The following CRTC1 variants were observed in gnomAD, a reference collection of about 807,000 sequenced individuals.
The protein encoded by CRTC1 is CREB regulated transcription coactivator 1, also known as CREB-regulated transcription coactivator 1.
CRTC1 carries 18 observed loss-of-function variants against 66.1 expected under a neutral mutation model. The observed-to-expected ratio is 0.27, with a 90% CI of 0.19 to 0.40. The LOEUF (loss-of-function observed/expected upper bound fraction) is 0.40, where lower values mean the gene tolerates loss of function less well. CRTC1 is among the 10% of genes least tolerant of loss of function. The probability of loss-of-function intolerance (pLI) is 1.00; values close to 1 mark genes in which losing one functional copy is unlikely to be tolerated. For missense variants in CRTC1, 669 were observed against 887.9 expected (o/e 0.75, Z 3.13); for synonymous variants, 416 against 398.8 (o/e 1.04, Z -0.51).
chr19:18,761,986 G>A (rs757744552), intron 8 of CRTC1, among the ~76,000 whole-genome samples: 2 of 152,190 alleles, frequency 1.3e-5, no homozygotes, highest in Admixed American at 6.5e-5. Flanking sequence ...CAGCCGATTC[G>A]GAGGAGCCCT....
intron 9 of CRTC1, among the ~76,000 whole-genome samples, chr19:18,767,928 CACAG>C (rs2054772245): frequency 6.6e-6 from 1 of 152,224 alleles, no homozygotes; most frequent in South Asian, 2.1e-4. Flanking sequence ...TGAGTTTCCA[CACAG>C]ACAGTGAACG....
rs1277579245 is a variant in CRTC1 at position 18,749,904 on chromosome 19, C to T, written c.538+29C>T. 1.9e-6 allele frequency: 3 copies of T among 1,584,752 alleles called. No homozygotes were observed. In the African/African-American group the frequency reaches 4.0e-5, roughly 21 times the overall value. On this transcript the variant is annotated intron_variant, in intron 5 of 13. Coordinates refer to ENST00000321949, the MANE Select transcript of CRTC1 (RefSeq NM_015321.3). ...TGGACAGGGGACTCGGGTGTCTCTG[C>T]TGGGGTGAGGCAAGTCCAGCAGGTA...
Position 18,765,504 on chromosome 19 carries a change from G to A in CRTC1, c.987G>A (p.Leu329=), listed in dbSNP as rs2054710128. The change falls in exon 9 of 14, where the codon CTG becomes CTA. Residue 329 remains leucine, a synonymous_variant. Transcript: ENST00000321949. The stretch of plus-strand genomic sequence containing the variant: ...GGCGTCAGCAGGCATCGCCCACCCT[G>A]TCCCCGCTGTCACCCATCACTCAGG... ...EARRQQASPT[L]SPLSPITQAV... 6.2e-7 allele frequency: 1 copy of A among 1,607,438 alleles called. No individual in the cohort carries two copies. Among genetic ancestry groups the A allele is most frequent in the African/African-American group, 1.3e-5 (1 of 75,026 alleles).
chr19:18,718,991 C>G (rs2053565955), intron 1 of CRTC1, among the ~76,000 whole-genome samples: 1 of 152,134 alleles, frequency 6.6e-6, no homozygotes, highest in Non-Finnish European at 1.5e-5. Context: ...CAGCCACTTG[C>G]AGAGGGAGCA....
chr19:18,692,860 G>C (rs940278695), intron 1 of CRTC1, among the ~76,000 whole-genome samples: 4 of 151,886 alleles, frequency 2.6e-5, no homozygotes, highest in African/African-American at 9.7e-5. Context: ...CGGATCACAA[G>C]GTCAGGAGAT....
chr19:18,714,465 G>A (rs1402196222), intron 1 of CRTC1, among the ~76,000 whole-genome samples: 1 of 151,942 alleles, frequency 6.6e-6, no homozygotes, highest in Admixed American at 6.6e-5. Flanking sequence ...GCACCACCAC[G>A]CCCAGCTAAT....
chr19:18,761,909 GC>G (rs2054622475), intron 8 of CRTC1, among the ~76,000 whole-genome samples: 1 of 152,106 alleles, frequency 6.6e-6, no homozygotes, highest in East Asian at 1.9e-4. Flanking sequence ...CCACACCTGG[GC>G]CCTGGGCCCT....
At chr19:18,718,310 T>C (rs1039476220) in intron 1 of CRTC1, among the ~76,000 whole-genome samples, 1 of 152,092 alleles carries the variant, frequency 6.6e-6, no homozygotes, top group Non-Finnish European at 1.5e-5. Flanking sequence ...TTCATCCACA[T>C]TGTAGCATGG....
chr19:18,734,602 T>C (rs947291019), intron 1 of CRTC1, among the ~76,000 whole-genome samples: 1 of 151,986 alleles, frequency 6.6e-6, no homozygotes, highest in Non-Finnish European at 1.5e-5. Flanking sequence ...GAGGATTGTT[T>C]GAGCCCAGGA....
chr19:18,689,752 G>C (rs1006626961), intron 1 of CRTC1, among the ~76,000 whole-genome samples: 1 of 150,934 alleles, frequency 6.6e-6, no homozygotes, highest in African/African-American at 2.4e-5. Context: ...CCATGAACAC[G>C]GGTTGTTTCC....
At chr19:18,763,748 C>G (rs1465323176) in intron 8 of CRTC1, among the ~76,000 whole-genome samples, 6 of 152,226 alleles carry the variant, frequency 3.9e-5, no homozygotes, top group Admixed American at 1.3e-4. Flanking sequence ...CCCCACCCGC[C>G]CCTGTCGTCC....
chr19:18,710,018 C>T (rs1374204662), intron 1 of CRTC1, among the ~76,000 whole-genome samples: 6 of 147,850 alleles, frequency 4.1e-5, no homozygotes, highest in Middle Eastern at 3.4e-3. Flanking sequence ...CCAGCACCCG[C>T]CCCCCCACAC....
intron 13 of CRTC1, among the ~76,000 whole-genome samples, chr19:18,776,867 T>C (rs7257846): frequency 0.2 from 29,802 of 152,108 alleles, 3,304 homozygotes; most frequent in African/African-American, 0.31. Flanking sequence ...GTCCCTGCCC[T>C]CGCCAGGTCA....
At chr19:18,731,827 G>A (rs988602590) in intron 1 of CRTC1, among the ~76,000 whole-genome samples, 8 of 152,206 alleles carry the variant, frequency 5.3e-5, no homozygotes, top group African/African-American at 1.9e-4. Flanking sequence ...TGGGGGGAAG[G>A]CACTGCTGGT....
At chr19:18,720,579 G>A (rs1329255154) in intron 1 of CRTC1, among the ~76,000 whole-genome samples, 3 of 147,188 alleles carry the variant, frequency 2.0e-5, no homozygotes, top group Non-Finnish European at 4.5e-5. Flanking sequence ...TGTTAGTCAG[G>A]ATGGTCTTGA....
rs752727932 is a variant in CRTC1, at chr19:18,747,127, A to ACCC, written c.443+14_443+15insCCC. 1.7e-5 allele frequency: 23 copies of ACCC among 1,392,136 alleles called. No homozygotes were observed. The African/African-American group carries it at 3.3e-4, about 20-fold the overall frequency. 86.2% of individuals were successfully genotyped at this position (1,392,136 alleles called of 1,614,324 possible). A position where few individuals can be genotyped will look rare whatever the true frequency, so the allele number is the denominator to read the frequency against. On this transcript the variant is annotated intron_variant, in intron 4 of 13. Coordinates refer to ENST00000321949, the MANE Select transcript of CRTC1 (RefSeq NM_015321.3). ...CCAGCTGGAGAAGGTCAGTGGCTGGACACCCCCCCCCCGCCCCCTTCTTGT... is the reference window on the plus strand; with the variant it reads ...CCAGCTGGAGAAGGTCAGTGGCTGGACCCCACCCCCCCCCCGCCCCCTTCTTGT...
Position 18,768,556 on chromosome 19 carries a change from G to C in CRTC1, c.1083G>C (p.Gln361His). ...PYAFFTQAGS[Q>H]QPPPQPQPPP... ...CCTTCTTCACCCAGGCGGGCTCCCA[G>C]CAGCCACCGCCGCAGCCCCAGCCCC... Residue 361 changes from glutamine (Q) to histidine (H), a missense_variant, in exon 10 of 14, where the codon CAG becomes CAC. By Grantham distance (24) the Gln-to-His change is conservative. This residue lies in a region of CRTC1 where 241 missense variants were observed against 242.2 expected (regional missense o/e 0.99). Coordinates refer to ENST00000321949, the MANE Select transcript of CRTC1 (RefSeq NM_015321.3). This position sits in a 1 kb window ranked among gnomAD's most constrained non-coding sequence, Gnocchi z 5.6. The C allele has an allele frequency of 6.2e-7, 1 of 1,602,942 alleles. No homozygotes were observed. The highest frequency in any genetic ancestry group is 1.1e-5 in the South Asian group (1 of 90,060).
chr19:18,770,655 G>A (rs1257239071), intron 10 of CRTC1, among the ~76,000 whole-genome samples: 1 of 152,174 alleles, frequency 6.6e-6, no homozygotes, highest in Non-Finnish European at 1.5e-5. Flanking sequence ...GCATGTGAAT[G>A]TGTGTGCATG....
intron 1 of CRTC1, among the ~76,000 whole-genome samples, chr19:18,714,059 C>T (rs972467951): frequency 5.3e-5 from 8 of 152,144 alleles, no homozygotes; most frequent in Non-Finnish European, 8.8e-5. Context: ...TGGGAGGGCA[C>T]ACCAGGCCCC....
Sources: allele counts gnomAD v4.1 joint callset (sites outside exome capture counted in the v4.1 genomes callset), GRCh38; gene constraint gnomAD v4.1.1; regional missense constraint gnomAD v4.1.1; non-coding constraint Gnocchi (gnomAD v3.1); transcripts MANE v1.5; gene names NCBI Gene and HGNC (gene_info 2026-07-23, HGNC 2026-07-21).